ESYT2: variants seen among roughly 807,000 people sequenced by gnomAD.
ESYT2 encodes the protein extended synaptotagmin-2.
In ESYT2, 54 loss-of-function variants were observed where a neutral mutation model predicts 107.2. The ratio of observed to expected loss-of-function variants is 0.50; its 90% confidence interval spans 0.40 to 0.63. ESYT2 has a LOEUF of 0.63. Among genes scored for constraint, ESYT2 ranks in the 30% least tolerant of loss-of-function variants. ESYT2 has a pLI of 0.00. For synonymous variants in ESYT2, 491 were observed against 434.1 expected, an observed-to-expected ratio of 1.13 and a Z score of -1.63; for missense variants, 1,020 against 1,094.5, an observed-to-expected ratio of 0.93 and a Z score of 0.96.
At chr7:158,796,590 G>T (rs1166532146) in intron 3 of ESYT2, among the ~76,000 whole-genome samples, 1 of 152,246 alleles carries the variant, frequency 6.6e-6, no homozygotes, top group Admixed American at 6.5e-5. Flanking sequence ...GCTGACAGAA[G>T]AACGTGGAGC....
chr7:158,796,924 CCA>C lies in ESYT2; in HGVS notation c.507+1016_507+1017del, dbSNP rs1337088748. Among the ~76,000 whole-genome samples the C allele has an allele frequency of 1.9e-4, 25 of 134,166 alleles. 3 individuals carry two copies. Among genetic ancestry groups the C allele is most frequent in the African/African-American group, 6.9e-4 (25 of 36,258 alleles). 88.0% of individuals were successfully genotyped at this position (134,166 alleles called of 152,430 possible). On this transcript the variant is annotated intron_variant, in intron 3 of 22. Transcript: ENST00000275418. Reference sequence around the variant, plus strand: ...CTCCCGACAGAGACGGGAAAAGGCACCACGGCTGGAGGCAGAGCCTGAGTGAC... The same window carrying C: ...CTCCCGACAGAGACGGGAAAAGGCACCGGCTGGAGGCAGAGCCTGAGTGAC...
intron 16 of ESYT2, among the ~76,000 whole-genome samples, chr7:158,745,776 A>G (rs1837382293): frequency 6.6e-6 from 1 of 152,250 alleles, no homozygotes. Flanking sequence ...CTGAAAGGGA[A>G]ATTAAGGAAA....
intron 18 of ESYT2, among the ~76,000 whole-genome samples, chr7:158,739,514 T>G (rs1011998462): frequency 2.4e-4 from 37 of 151,928 alleles, no homozygotes; most frequent in Admixed American, 2.3e-3. Context: ...GCCCAGCTAA[T>G]TTTTTGTATT....
intron 1 of ESYT2, among the ~76,000 whole-genome samples, chr7:158,824,194 G>A (rs1154003): frequency 0.67 from 102,406 of 151,966 alleles, 36,150 homozygotes; most frequent in Non-Finnish European, 0.78. Context: ...TGTCTCAGCC[G>A]CAGTGTGGGT....
intron 1 of ESYT2, among the ~76,000 whole-genome samples, chr7:158,811,175 AAAATT>A (rs777923520): frequency 2.0e-5 from 3 of 152,116 alleles, no homozygotes; most frequent in African/African-American, 4.8e-5. Context: ...TAAAAAATAA[AAAATT>A]AAAATTAAGA....
intron 1 of ESYT2, among the ~76,000 whole-genome samples, chr7:158,808,199 C>A (rs980018304): frequency 6.6e-6 from 1 of 152,186 alleles, no homozygotes; most frequent in African/African-American, 2.4e-5. Flanking sequence ...CAACCAAGGT[C>A]AGAAAATATT....
chr7:158,755,694 G>T (rs766523374), intron 13 of ESYT2, among the ~76,000 whole-genome samples: 1 of 152,204 alleles, frequency 6.6e-6, no homozygotes, highest in East Asian at 1.9e-4. Context: ...ACATATATGA[G>T]TAGACAGCCA....
chr7:158,757,260 C>A (rs563125029), intron 13 of ESYT2, among the ~76,000 whole-genome samples: 11 of 152,202 alleles, frequency 7.2e-5, no homozygotes, highest in Admixed American at 7.2e-4. Flanking sequence ...CAGCCAACTG[C>A]ATTAGAAGTT....
intron 4 of ESYT2, among the ~76,000 whole-genome samples, chr7:158,789,373 T>C: frequency 6.6e-6 from 1 of 152,218 alleles, no homozygotes; most frequent in East Asian, 1.9e-4. Flanking sequence ...TTCTTTTTTT[T>C]TGAGATGGAG....
At chr7:158,746,202 G>A (rs996591489) in intron 16 of ESYT2, among the ~76,000 whole-genome samples, 1 of 148,918 alleles carries the variant, frequency 6.7e-6, no homozygotes, top group East Asian at 2.0e-4. Flanking sequence ...GCAATGTGGT[G>A]AAACCGCATC....
At chr7:158,772,994 TA>T (rs376836008) in intron 7 of ESYT2, among the ~76,000 whole-genome samples, 1,852 of 148,092 alleles carry the variant, frequency 0.013, 37 homozygotes, top group African/African-American at 0.043. Context: ...CTGAGAAGAT[TA>T]AAAAAAAAAA....
At chr7:158,821,751 A>T (rs1554427974) in intron 1 of ESYT2, among the ~76,000 whole-genome samples, 1 of 152,252 alleles carries the variant, frequency 6.6e-6, no homozygotes, top group Non-Finnish European at 1.5e-5. Context: ...TGGAGGAGTT[A>T]CAACCCTATC....
At position 158,828,978 on chromosome 7, in the gene ESYT2, G is replaced by A. The variant is rs77394209; in HGVS notation, c.330+111C>T. The A allele has an allele frequency of 8.3e-6, 12 of 1,450,212 alleles. 1 individual carries two copies. The African/African-American group carries it at 1.3e-4, about 16-fold the overall frequency. The allele number at this position is 1,450,212 out of a possible 1,614,324, so 89.8% of individuals were successfully genotyped here. A position where few individuals can be genotyped will look rare whatever the true frequency, so the allele number is the denominator to read the frequency against. ...CGAAGGCGGGAGCCGGGGCAGGGCTGGGGTCTGCACTCACCCAGGCGGCAG... is the reference window on the plus strand; with the variant it reads ...CGAAGGCGGGAGCCGGGGCAGGGCTAGGGTCTGCACTCACCCAGGCGGCAG... On this transcript the variant is annotated intron_variant, in intron 1 of 22. Transcript: ENST00000275418.
intron 1 of ESYT2, among the ~76,000 whole-genome samples, chr7:158,822,729 C>G (rs544308797): frequency 3.3e-5 from 5 of 150,978 alleles, no homozygotes; most frequent in African/African-American, 4.9e-5. Flanking sequence ...GAGGATCCCT[C>G]AAGCCTAGGA....
chr7:158,802,468 A>G (rs1038106422), intron 1 of ESYT2, among the ~76,000 whole-genome samples: 8 of 152,188 alleles, frequency 5.3e-5, no homozygotes, highest in African/African-American at 9.7e-5. Flanking sequence ...TTTAGTAGAG[A>G]CAGGGTTTTG....
intron 18 of ESYT2, among the ~76,000 whole-genome samples, chr7:158,740,185 C>A (rs893518070): frequency 3.9e-5 from 6 of 152,214 alleles, no homozygotes; most frequent in African/African-American, 1.4e-4. Context: ...GCTGGCTGTT[C>A]TAGAGAGGCT....
rs1299472914 is a variant in ESYT2, at chr7:158,767,786, G to C, written c.804-12C>G. ...TATCTGATAAACCACTGTTAGTTGG[G>C]AGACAAAAAGAGCAAACGGACTATC... On this transcript the variant is annotated splice_polypyrimidine_tract_variant and intron_variant, in intron 7 of 22. Transcript: ENST00000275418. The C allele has an allele frequency of 6.2e-7, 1 of 1,603,310 alleles. No homozygotes were observed. Among genetic ancestry groups the C allele is most frequent in the East Asian group, 2.2e-5 (1 of 44,498 alleles).
intron 4 of ESYT2, 72 bp from the exon 5 acceptor site, chr7:158,788,489 A>G (rs1839182639): frequency 3.2e-6 from 4 of 1,255,082 alleles, no homozygotes; most frequent in Non-Finnish European, 4.5e-6. Context: ...GACCTGCAAG[A>G]TGTATAATCT....
chr7:158,781,759 ATG>A (rs1255672514), intron 6 of ESYT2, among the ~76,000 whole-genome samples: 3 of 146,178 alleles, frequency 2.1e-5, no homozygotes, highest in African/African-American at 7.6e-5. Context: ...AGTGTGAGAG[ATG>A]TGAGTGTAAG....
Sources: gnomAD v4.1 joint callset for allele counts (sites outside exome capture counted in the v4.1 genomes callset) on GRCh38, gnomAD v4.1.1 for gene constraint, MANE v1.5 for transcripts, NCBI Gene and HGNC (gene_info 2026-07-23, HGNC 2026-07-21) for gene names.